FER: variants seen among roughly 807,000 people sequenced by gnomAD.
FER encodes tyrosine-protein kinase Fer.
A neutral mutation model predicts 111.0 loss-of-function variants in FER; 63 were observed. The observed-to-expected ratio is 0.57, with a 90% CI of 0.46 to 0.70. FER has a LOEUF of 0.70. Among genes scored for constraint, FER ranks in the 30% least tolerant of loss-of-function variants. The probability of loss-of-function intolerance (pLI) is 0.00; values close to 1 mark genes in which losing one functional copy is unlikely to be tolerated. For synonymous variants in FER, 327 were observed against 313.9 expected, an observed-to-expected ratio of 1.04 and a Z score of -0.44; for missense variants, 914 against 954.0, an observed-to-expected ratio of 0.96 and a Z score of 0.55.
At position 109,044,753 on chromosome 5, in the gene FER, A is replaced by G; in HGVS notation, c.1787A>G (p.Asp596Gly). 6.3e-7 allele frequency: 1 copy of G among 1,590,286 alleles called. No homozygotes were observed. Among genetic ancestry groups the G allele is most frequent in the Non-Finnish European group, 8.5e-7 (1 of 1,170,178 alleles). The change falls in exon 15 of 20, where the codon GAT becomes GGT. Residue 596 changes from aspartate (D) to glycine (G), a missense_variant. By Grantham distance (94) the Asp-to-Gly change is moderately conservative. This residue lies in a region of FER where 774 missense variants were observed against 782.6 expected (regional missense o/e 0.99). Coordinates refer to ENST00000281092, the MANE Select transcript of FER (RefSeq NM_005246.4). ...TSVAVKTCKE[D>G]LPQELKIKFL... is the part of the protein sequence containing the mutation. ...GTTGCTGTTAAAACATGTAAAGAAG[A>G]TCTTCCTCAGGAATTGAAAATAAAA...
At chr5:109,092,038 G>T (rs1256858366) in intron 16 of FER, among the ~76,000 whole-genome samples, 1 of 151,862 alleles carries the variant, frequency 6.6e-6, no homozygotes, top group African/African-American at 2.4e-5. Flanking sequence ...CTCTCCAGAG[G>T]ACACGGCTTT....
chr5:109,119,115 A>G (rs1292089189), intron 17 of FER, among the ~76,000 whole-genome samples: 1 of 151,932 alleles, frequency 6.6e-6, no homozygotes, highest in African/African-American at 2.4e-5. Context: ...TGTCAATTTT[A>G]GATCTTTCCT....
At chr5:109,039,445 A>G (rs1472640805) in intron 14 of FER, among the ~76,000 whole-genome samples, 1 of 152,134 alleles carries the variant, frequency 6.6e-6, no homozygotes, top group Non-Finnish European at 1.5e-5. Flanking sequence ...AGGAGAAGAT[A>G]AACAATAAGC....
At chr5:108,910,295 C>T (rs563669844) in intron 10 of FER, among the ~76,000 whole-genome samples, 30 of 152,202 alleles carry the variant, frequency 2.0e-4, no homozygotes, top group African/African-American at 7.2e-4. Context: ...CGAACCTGCT[C>T]TCTACTCTAG....
chr5:109,132,478 G>A (rs1219489950), intron 17 of FER, among the ~76,000 whole-genome samples: 1 of 152,090 alleles, frequency 6.6e-6, no homozygotes, highest in East Asian at 1.9e-4. Context: ...TTCAACCCCA[G>A]CAGGTTCTGC....
intron 15 of FER, among the ~76,000 whole-genome samples, chr5:109,046,100 T>C (rs1771932313): frequency 6.6e-6 from 1 of 151,390 alleles, no homozygotes; most frequent in Non-Finnish European, 1.5e-5. Flanking sequence ...AGCCCTCTGA[T>C]GAAATTTTGC....
intron 16 of FER, among the ~76,000 whole-genome samples, chr5:109,087,183 A>T (rs1777662224): frequency 6.6e-6 from 1 of 151,624 alleles, no homozygotes; most frequent in Non-Finnish European, 1.5e-5. Context: ...GAATATTTGG[A>T]CATTTTCTTG....
intron 10 of FER, among the ~76,000 whole-genome samples, chr5:108,926,053 C>G (rs1471940942): frequency 6.9e-6 from 1 of 145,374 alleles, no homozygotes. Context: ...CTTTTATGAT[C>G]CTTCTTTAAT....
At chr5:108,952,493 T>C (rs1467118630) in intron 11 of FER, among the ~76,000 whole-genome samples, 1 of 151,986 alleles carries the variant, frequency 6.6e-6, no homozygotes, top group Admixed American at 6.6e-5. Flanking sequence ...CATGTGTATA[T>C]ACACACATAC....
chr5:108,865,387 C>CT (rs1337554580), intron 5 of FER, among the ~76,000 whole-genome samples: 1 of 152,052 alleles, frequency 6.6e-6, no homozygotes, highest in Non-Finnish European at 1.5e-5. Context: ...ACTTCCAACA[C>CT]TATGTTGAAT....
intron 16 of FER, among the ~76,000 whole-genome samples, chr5:109,063,170 TTTTAA>T (rs1774649574): frequency 2.0e-5 from 3 of 152,262 alleles, no homozygotes; most frequent in South Asian, 4.1e-4. Flanking sequence ...ATTCGTTTTC[TTTTAA>T]TTTTTCATTT....
chr5:109,029,228 T>C, intron 13 of FER, among the ~76,000 whole-genome samples: 1 of 150,136 alleles, frequency 6.7e-6, no homozygotes. Context: ...TTCTTTTTTT[T>C]TTTTTTTTCT....
chr5:108,895,710 C>G (rs996454144), intron 9 of FER, among the ~76,000 whole-genome samples: 1 of 152,154 alleles, frequency 6.6e-6, no homozygotes, highest in African/African-American at 2.4e-5. Context: ...TTCTTTGCCA[C>G]GTAAGCTGAC....
At chr5:109,171,319 T>C (rs1273768748) in intron 17 of FER, among the ~76,000 whole-genome samples, 2 of 152,286 alleles carry the variant, frequency 1.3e-5, no homozygotes, top group East Asian at 3.9e-4. Context: ...CTTATACAGC[T>C]TATTAAAGAA....
rs753315526 is a variant in FER, at chr5:108,946,143, G to A, written c.1250G>A (p.Arg417Lys). 2 of 1,611,832 alleles carry A rather than the reference G, an allele frequency of 1.2e-6. No homozygotes were observed. The highest frequency in any genetic ancestry group is 1.7e-6 in the Non-Finnish European group (2 of 1,178,544). The change falls in exon 11 of 20, where the codon AGG (arginine) becomes AAG (lysine). Residue 417 changes from arginine to lysine, a missense_variant. By Grantham distance (26) the Arg-to-Lys change is conservative. This residue lies in a region of FER where 774 missense variants were observed against 782.6 expected (regional missense o/e 0.99). Coordinates refer to ENST00000281092, the MANE Select transcript of FER (RefSeq NM_005246.4). ...RSVTSMERKE[R>K]LSKFESIRHS... ...TAATCCCTCCAGGAAAGAAAGGAGAGGCTATCCAAATTTGAATCTATTCGT... is the reference window on the plus strand; with the variant it reads ...TAATCCCTCCAGGAAAGAAAGGAGAAGCTATCCAAATTTGAATCTATTCGT...
chr5:108,791,906 C>T (rs1031568396), intron 2 of FER, among the ~76,000 whole-genome samples: 1 of 152,174 alleles, frequency 6.6e-6, no homozygotes, highest in African/African-American at 2.4e-5. Flanking sequence ...ATGTGGAAAT[C>T]CAGTTGTCCC....
chr5:109,184,367 A>G (rs4957570), intron 18 of FER, among the ~76,000 whole-genome samples: 106,148 of 152,006 alleles, frequency 0.7, 37,160 homozygotes, highest in Middle Eastern at 0.76. Flanking sequence ...ATAGAGTATT[A>G]TGAAGATCAA....
At chr5:109,183,704 C>T (rs1758544202) in intron 18 of FER, among the ~76,000 whole-genome samples, 1 of 152,076 alleles carries the variant, frequency 6.6e-6, no homozygotes. Flanking sequence ...TGTCTTAGGG[C>T]CACAGAGCCA....
At chr5:108,832,731 T>G in intron 3 of FER, 39 bp from the exon 4 acceptor site, 1 of 1,418,484 alleles carries the variant, frequency 7.0e-7, no homozygotes, top group South Asian at 1.7e-5. Flanking sequence ...ATGGAAACCT[T>G]TAATGCAAAT....
Sources: gnomAD v4.1 joint callset for allele counts (sites outside exome capture counted in the v4.1 genomes callset) on GRCh38, gnomAD v4.1.1 for gene constraint, gnomAD v4.1.1 regional missense constraint, MANE v1.5 for transcripts, NCBI Gene and HGNC (gene_info 2026-07-23, HGNC 2026-07-21) for gene names.